PTK2: variants seen among roughly 807,000 people sequenced by gnomAD.
PTK2 encodes the protein protein tyrosine kinase 2, also known as focal adhesion kinase 1.
A neutral mutation model predicts 150.1 loss-of-function variants in PTK2; 45 were observed. The ratio of observed to expected loss-of-function variants is 0.30; its 90% confidence interval spans 0.24 to 0.38. PTK2 has a LOEUF of 0.38. Among genes scored for constraint, PTK2 ranks in the 10% least tolerant of loss-of-function variants. PTK2 has a pLI of 1.00. For missense variants in PTK2, 919 were observed against 1,307.3 expected, an observed-to-expected ratio of 0.70 and a Z score of 4.58; for synonymous variants, 432 against 449.2, an observed-to-expected ratio of 0.96 and a Z score of 0.48.
At chr8:140,995,083 CAA>C (rs35987927) in intron 1 of PTK2, among the ~76,000 whole-genome samples, 15 of 122,242 alleles carry the variant, frequency 1.2e-4, no homozygotes, top group Admixed American at 2.6e-4. Flanking sequence ...AACTCTGTCT[CAA>C]AAAAAAAAAA....
At chr8:140,953,400 T>C (rs532033617) in intron 1 of PTK2, among the ~76,000 whole-genome samples, 25 of 152,280 alleles carry the variant, frequency 1.6e-4, no homozygotes, top group Admixed American at 8.5e-4. Flanking sequence ...TGAAATAAAC[T>C]AAGGGTTACT....
At chr8:140,962,566 A>T (rs905846466) in intron 1 of PTK2, among the ~76,000 whole-genome samples, 4 of 152,120 alleles carry the variant, frequency 2.6e-5, no homozygotes, top group African/African-American at 9.7e-5. Context: ...TGGGAGGCCG[A>T]GGCGTGTAGA....
At chr8:140,817,403 C>G (rs1343188981) in intron 10 of PTK2, among the ~76,000 whole-genome samples, 1 of 152,014 alleles carries the variant, frequency 6.6e-6, no homozygotes, top group African/African-American at 2.4e-5. Context: ...ATGTACAGGT[C>G]AAGGTATGAA....
At chr8:140,761,136 T>G in intron 16 of PTK2, 29 bp downstream of exon 19, 1 of 1,426,900 alleles carries the variant, frequency 7.0e-7, no homozygotes, top group Non-Finnish European at 9.9e-7. Context: ...AAAATTAGTC[T>G]AGTTGTTTGG....
rs1236229497 is a variant in PTK2 at position 140,741,178 on chromosome 8, G to A, written c.1735+2052C>T. ...TTTAATTTAAAAAATTAGGCCAGGC[G>A]CAGTGGCTGACGCCTGTAATCCCAG... On this transcript the variant is annotated intron_variant, in intron 20 of 31. Coordinates refer to ENST00000522684, the Ensembl canonical transcript of PTK2. Among the ~76,000 whole-genome samples, 3 of 148,870 alleles carry A rather than the reference G, an allele frequency of 2.0e-5. No homozygotes were observed. In the East Asian group the frequency reaches 6.1e-4, roughly 30 times the overall value.
chr8:140,941,629 A>T (rs1301189207), intron 1 of PTK2, among the ~76,000 whole-genome samples: 1 of 152,140 alleles, frequency 6.6e-6, no homozygotes, highest in Non-Finnish European at 1.5e-5. Flanking sequence ...CTTTTTAACC[A>T]AGAGTTTATT....
intron 1 of PTK2, among the ~76,000 whole-genome samples, chr8:140,966,879 A>T (rs2100185503): frequency 6.6e-6 from 1 of 152,108 alleles, no homozygotes; most frequent in Non-Finnish European, 1.5e-5. Flanking sequence ...TACCACACTA[A>T]ATCTGTGCTT....
At position 140,692,270 on chromosome 8, in the gene PTK2, G is replaced by A. The variant is rs144770234; in HGVS notation, c.2500-5576C>T. ...TACACGGACCTCCTGAATGAAAGAT[G>A]AGTGCCTATTGGGAACTGAAGAGCA... On this transcript the variant is annotated intron_variant, in intron 26 of 31. Transcript: ENST00000522684. 5.9e-4 allele frequency among the ~76,000 whole-genome samples: 90 copies of A among 152,274 alleles called. 1 individual carries two copies. The highest frequency in any genetic ancestry group is 2.0e-3 in the African/African-American group (84 of 41,560).
At chr8:140,940,103 G>A (rs182625932) in intron 1 of PTK2, among the ~76,000 whole-genome samples, 4 of 152,254 alleles carry the variant, frequency 2.6e-5, no homozygotes, top group Admixed American at 2.0e-4. Context: ...CTTACTGTTC[G>A]TATTGACATA....
intron 2 of PTK2, among the ~76,000 whole-genome samples, chr8:140,907,796 A>C (rs2100161582): frequency 6.6e-6 from 1 of 152,136 alleles, no homozygotes; most frequent in African/African-American, 2.4e-5. Flanking sequence ...ACGTTAAGAG[A>C]GCGAGCTTAG....
chr8:140,957,867 T>C (rs1038567424), intron 1 of PTK2, among the ~76,000 whole-genome samples: 2 of 152,198 alleles, frequency 1.3e-5, no homozygotes, highest in African/African-American at 4.8e-5. Flanking sequence ...GTACACTCTA[T>C]GACATTTGTA....
At chr8:140,951,484 G>A (rs967100587) in intron 1 of PTK2, among the ~76,000 whole-genome samples, 2 of 152,118 alleles carry the variant, frequency 1.3e-5, no homozygotes, top group African/African-American at 2.4e-5. Flanking sequence ...CGGTGGGGGG[G>A]AATTACAGGA....
intron 1 of PTK2, among the ~76,000 whole-genome samples, chr8:140,950,600 C>G (rs74580878): frequency 0.018 from 2,744 of 152,346 alleles, 40 homozygotes; most frequent in Non-Finnish European, 0.023. Context: ...GCACAGCATG[C>G]CAAGCCGAGT....
chr8:140,742,416 T>C (rs1388805147), intron 20 of PTK2, among the ~76,000 whole-genome samples: 2 of 152,262 alleles, frequency 1.3e-5, no homozygotes, highest in African/African-American at 4.8e-5. Flanking sequence ...TCCTGGGTCA[T>C]ATAACACTTG....
At chr8:140,929,913 C>A (rs1450080507) in intron 1 of PTK2, among the ~76,000 whole-genome samples, 1 of 152,176 alleles carries the variant, frequency 6.6e-6, no homozygotes, top group Non-Finnish European at 1.5e-5. Flanking sequence ...GTAAGTGCAT[C>A]ATTACTGTCT....
chr8:140,752,386 A>C (rs966757788), intron 16 of PTK2, 70 bp from the exon 20 acceptor site: 34 of 1,433,322 alleles, frequency 2.4e-5, no homozygotes, highest in Non-Finnish European at 3.1e-5. Context: ...ATTCATGAAA[A>C]CCTGTCTGTT....
At chr8:140,915,838 G>T (rs1416774321) in intron 2 of PTK2, among the ~76,000 whole-genome samples, 1 of 152,066 alleles carries the variant, frequency 6.6e-6, no homozygotes, top group Non-Finnish European at 1.5e-5. Flanking sequence ...GGAGGTGGAG[G>T]TTGCAGGGAG....
chr8:140,936,447 A>T (rs2100173657), intron 1 of PTK2, among the ~76,000 whole-genome samples: 1 of 152,184 alleles, frequency 6.6e-6, no homozygotes, highest in Non-Finnish European at 1.5e-5. Flanking sequence ...TTCAACTAAA[A>T]GCAAAAAGAA....
chr8:140,760,245 C>T (rs1224888804), intron 16 of PTK2, among the ~76,000 whole-genome samples: 1 of 150,842 alleles, frequency 6.6e-6, no homozygotes. Flanking sequence ...CAAAACAAAA[C>T]ATATATATAT....
Sources: gnomAD v4.1 joint callset for allele counts (sites outside exome capture counted in the v4.1 genomes callset) on GRCh38, gnomAD v4.1.1 for gene constraint, MANE v1.5 for transcripts, NCBI Gene and HGNC (gene_info 2026-07-23, HGNC 2026-07-21) for gene names.